OCIAD1: variants seen among roughly 807,000 people sequenced by gnomAD.
The protein encoded by OCIAD1 is OCIA domain containing 1, also known as OCIA domain-containing protein 1.
In OCIAD1, 29 loss-of-function variants were observed where a neutral mutation model predicts 38.9. The observed-to-expected ratio is 0.74, with a 90% CI of 0.55 to 1.02. The LOEUF (loss-of-function observed/expected upper bound fraction) is 1.02, where lower values mean the gene tolerates loss of function less well. OCIAD1 is among the 50% of genes least tolerant of loss of function. The pLI is 0.00. For missense variants in OCIAD1, 288 were observed against 289.6 expected, an observed-to-expected ratio of 0.99 and a Z score of 0.04; for synonymous variants, 110 against 92.0, an observed-to-expected ratio of 1.20 and a Z score of -1.12.
chr4:48,860,000 T>C (rs1780455811), intron 8 of OCIAD1, among the ~76,000 whole-genome samples: 1 of 152,200 alleles, frequency 6.6e-6, no homozygotes, highest in Non-Finnish European at 1.5e-5. Context: ...TGAAATAATT[T>C]TGACTTCATG....
chr4:48,852,970 C>G (rs1413416880), intron 7 of OCIAD1, among the ~76,000 whole-genome samples: 1 of 150,498 alleles, frequency 6.6e-6, no homozygotes, highest in Admixed American at 6.6e-5. Flanking sequence ...CAACCTCCGC[C>G]CCCCCAGCTT....
chr4:48,827,105 A>G (rs1777258617), upstream of OCIAD1, among the ~76,000 whole-genome samples: 1 of 152,212 alleles, frequency 6.6e-6, no homozygotes, highest in African/African-American at 2.4e-5. Flanking sequence ...CTCTAATGGA[A>G]CATAAATAGA....
intron 7 of OCIAD1, 28 bp from the exon 8 acceptor site, chr4:48,857,185 A>G (rs779449789): frequency 4.7e-5 from 67 of 1,416,764 alleles, no homozygotes; most frequent in Admixed American, 1.0e-4. Flanking sequence ...TCCTTTTATT[A>G]CCATTTATTA....
chr4:48,807,548 C>CCT (rs1777041722), intron 1 of OCIAD1, among the ~76,000 whole-genome samples: 1 of 152,142 alleles, frequency 6.6e-6, no homozygotes, highest in South Asian at 2.1e-4. Context: ...CTGACTCATA[C>CCT]TAAGTGTGTA....
At chr4:48,808,432 T>C (rs1777051963) in intron 1 of OCIAD1, among the ~76,000 whole-genome samples, 1 of 151,884 alleles carries the variant, frequency 6.6e-6, no homozygotes, top group Admixed American at 6.6e-5. Context: ...ATTGCACCAC[T>C]GCACTCCAGC....
Position 48,851,853 on chromosome 4 carries a change from C to G in OCIAD1, c.425C>G (p.Ser142Ter), listed in dbSNP as rs866882863. The G allele has an allele frequency of 1.2e-6, 2 of 1,613,210 alleles. No homozygotes were observed. The highest frequency in any genetic ancestry group is 2.7e-5 in the African/African-American group (2 of 74,886). The part of the protein sequence containing the change: ...SKYDSSVSGQ[S>*]SFVTSPAADN... ...TATGACTCAAGTGTGAGTGGTCAAT[C>G]ATCTTTTGTGACATCCCCAGCAGCA... is the stretch of plus-strand genomic sequence containing the variant. Residue 142 changes from serine to a stop codon, truncating the protein, a stop_gained, in exon 7 of 9, where the codon TCA (serine) becomes TGA (stop). Coordinates refer to ENST00000264312, the MANE Select transcript of OCIAD1 (RefSeq NM_017830.4). LOFTEE classifies it high-confidence loss of function.
At chr4:48,850,274 T>G (rs1779318222) in intron 6 of OCIAD1, among the ~76,000 whole-genome samples, 192 bp downstream of exon 6, 1 of 152,164 alleles carries the variant, frequency 6.6e-6, no homozygotes, top group African/African-American at 2.4e-5. Context: ...AATGAATGAA[T>G]GAATGATGGG....
chr4:48,821,441 A>G (rs1309365069), intron 1 of OCIAD1, among the ~76,000 whole-genome samples: 1 of 152,256 alleles, frequency 6.6e-6, no homozygotes, highest in Non-Finnish European at 1.5e-5. Flanking sequence ...CATAGCCAAT[A>G]TCATACTGAA....
At chr4:48,813,684 C>G (rs1166829635) in intron 1 of OCIAD1, among the ~76,000 whole-genome samples, 1 of 152,112 alleles carries the variant, frequency 6.6e-6, no homozygotes, top group Non-Finnish European at 1.5e-5. Context: ...CAAAAACTGG[C>G]CTAAAGCTGC....
intron 1 of OCIAD1, among the ~76,000 whole-genome samples, chr4:48,820,393 G>C (rs1191548353): frequency 6.6e-6 from 1 of 152,154 alleles, no homozygotes; most frequent in Admixed American, 6.6e-5. Flanking sequence ...CTGGGACACA[G>C]CTAAAGTGGT....
In OCIAD1 at chr4:48,861,673, G is replaced by C. The variant is rs1274552224; in HGVS notation, c.*911G>C. The stretch of plus-strand genomic sequence containing the variant: ...TGAACTCCAGCCTGTGCGACTGAGT[G>C]AGACCCTGTGTCTAAAAAAATAAAA... On this transcript the variant is annotated 3_prime_UTR_variant, in exon 9 of 9. Coordinates refer to ENST00000264312, the MANE Select transcript of OCIAD1 (RefSeq NM_017830.4). 1.3e-5 allele frequency: 2 copies of C among 152,158 alleles called. No individual in the cohort carries two copies. Among genetic ancestry groups the C allele is most frequent in the Non-Finnish European group, 2.9e-5 (2 of 68,036 alleles). The allele number at this position is 152,158 out of a possible 1,614,324, so 9.4% of individuals were successfully genotyped here. A position where few individuals can be genotyped will look rare whatever the true frequency, so the allele number is the denominator to read the frequency against.
intron 5 of OCIAD1, among the ~76,000 whole-genome samples, chr4:48,848,823 A>G (rs182918583): frequency 3.5e-4 from 53 of 152,308 alleles, no homozygotes; most frequent in African/African-American, 1.2e-3. Flanking sequence ...AAATCTCTCT[A>G]ATTTGTATTT....
At chr4:48,844,797 C>T (rs1451216989) in intron 4 of OCIAD1, among the ~76,000 whole-genome samples, 6 of 152,008 alleles carry the variant, frequency 3.9e-5, no homozygotes, top group East Asian at 1.9e-4. Flanking sequence ...TGATATAAAA[C>T]GGCCTAGTAA....
At chr4:48,817,306 T>G (rs1222563924) in intron 1 of OCIAD1, among the ~76,000 whole-genome samples, 1 of 152,144 alleles carries the variant, frequency 6.6e-6, no homozygotes, top group East Asian at 1.9e-4. Flanking sequence ...ACCGGGGCCC[T>G]GGGTTTCAAG....
At chr4:48,846,513 C>T (rs1425342882) in intron 4 of OCIAD1, among the ~76,000 whole-genome samples, 2 of 152,104 alleles carry the variant, frequency 1.3e-5, no homozygotes, top group Non-Finnish European at 2.9e-5. Flanking sequence ...CTTTGGGAGG[C>T]TGAGGCAGGC....
chr4:48,809,259 C>T (rs1164475438), intron 1 of OCIAD1, among the ~76,000 whole-genome samples: 2 of 152,152 alleles, frequency 1.3e-5, no homozygotes, highest in Admixed American at 6.5e-5. Context: ...CGGTGGCTCA[C>T]GCCTGTAATC....
chr4:48,843,707 AAAC>A (rs111373676), intron 4 of OCIAD1, among the ~76,000 whole-genome samples: 9 of 152,036 alleles, frequency 5.9e-5, no homozygotes, highest in Non-Finnish European at 8.8e-5. Context: ...CTGTATTGTG[AAAC>A]AACAACAACA....
intron 1 of OCIAD1, among the ~76,000 whole-genome samples, chr4:48,823,521 C>T (rs949525991): frequency 1.3e-4 from 20 of 151,716 alleles, no homozygotes; most frequent in Non-Finnish European, 1.5e-5. Context: ...TGTAACACAC[C>T]TGCAGGTTCT....
chr4:48,832,720 C>T (rs1318296288), intron 2 of OCIAD1, 38 bp downstream of exon 2: 11 of 1,504,422 alleles, frequency 7.3e-6, no homozygotes, highest in African/African-American at 1.4e-5. Flanking sequence ...AGAAGCACTT[C>T]CTATGTAAAG....
Sources: gnomAD v4.1 joint callset for allele counts (sites outside exome capture counted in the v4.1 genomes callset) on GRCh38, gnomAD v4.1.1 for gene constraint, MANE v1.5 for transcripts, NCBI Gene and HGNC (gene_info 2026-07-23, HGNC 2026-07-21) for gene names.